Variants in GLDC observed in about 807,000 individuals in gnomAD.
GLDC encodes the protein glycine decarboxylase.
GLDC carries 104 observed loss-of-function variants against 121.3 expected under a neutral mutation model. The observed-to-expected ratio is 0.86, with a 90% confidence interval of 0.73 to 1.01. The LOEUF (loss-of-function observed/expected upper bound fraction) is 1.01. Among genes scored for constraint, GLDC ranks in the 50% least tolerant of loss-of-function variants. The probability of loss-of-function intolerance (pLI) is 0.00; values close to 1 mark genes in which losing one functional copy is unlikely to be tolerated. For missense variants in GLDC, 1,429 were observed against 1,306.6 expected (o/e 1.09, Z -1.44); for synonymous variants, 546 against 480.6 (o/e 1.14, Z -1.78).
Position 6,540,138 on chromosome 9 carries a change from C to T in GLDC, c.2578G>A (p.Gly860Ser), listed in dbSNP as rs753759723. The T allele has an allele frequency of 4.9e-5, 78 of 1,607,022 alleles. No homozygotes were observed. The highest frequency in any genetic ancestry group is 6.0e-5 in the Non-Finnish European group (70 of 1,173,708). The change falls in exon 22 of 25, where the codon GGT becomes AGT. Residue 860 changes from glycine (G) to serine (S), a missense_variant. Physicochemically the swap from Gly to Ser is moderately conservative, Grantham distance 56. Coordinates refer to ENST00000321612, the MANE Select transcript of GLDC (RefSeq NM_000170.3). ...ILFRGARGYV[G>S]HEFILDTRPF... is the part of the protein sequence containing the mutation. ...CTCGTGTCCAAAATAAATTCATGAC[C>T]CACATAACCTGTTCAGGAAAGTTGT...
chr9:6,543,953 G>A (rs1264477478), intron 21 of GLDC, among the ~76,000 whole-genome samples: 3 of 152,022 alleles, frequency 2.0e-5, no homozygotes, highest in Admixed American at 6.6e-5. Context: ...GGGAACCACC[G>A]CCCCCATATG....
chr9:6,588,742 GAT>G (rs1563849515), intron 12 of GLDC, 40 bp from the exon 13 acceptor site: 2 of 1,177,772 alleles, frequency 1.7e-6, no homozygotes, highest in Admixed American at 1.7e-5. Flanking sequence ...CCCAAAAGTA[GAT>G]ATGAGTCCAT....
At chr9:6,632,705 G>C (rs1263162154) in intron 2 of GLDC, among the ~76,000 whole-genome samples, 2 of 152,194 alleles carry the variant, frequency 1.3e-5, no homozygotes, top group East Asian at 3.8e-4. Context: ...CTCACTCCCA[G>C]CCTCCTGAGG....
chr9:6,565,673 T>C (rs1021551275), intron 15 of GLDC: 6 of 610,796 alleles, frequency 9.8e-6, no homozygotes, highest in Non-Finnish European at 1.7e-5. Flanking sequence ...AAGATGGAGC[T>C]TTCTATATCC....
At chr9:6,542,705 G>A (rs921443937) in intron 21 of GLDC, among the ~76,000 whole-genome samples, 2 of 151,888 alleles carry the variant, frequency 1.3e-5, no homozygotes, top group African/African-American at 4.8e-5. Context: ...GGGCAGCATA[G>A]TGAGAGCTTG....
chr9:6,612,680 G>T (rs1818883728), intron 3 of GLDC, among the ~76,000 whole-genome samples: 1 of 152,046 alleles, frequency 6.6e-6, no homozygotes, highest in South Asian at 2.1e-4. Flanking sequence ...TGGCCAATAT[G>T]GTGAAACCCC....
At chr9:6,564,771 C>T (rs889760596) in intron 16 of GLDC, among the ~76,000 whole-genome samples, 1 of 152,240 alleles carries the variant, frequency 6.6e-6, no homozygotes, top group African/African-American at 2.4e-5. Context: ...CTGGTCCCCA[C>T]AGTGGTCCCC....
chr9:6,628,046 C>A (rs973794200), intron 2 of GLDC, among the ~76,000 whole-genome samples: 2 of 152,150 alleles, frequency 1.3e-5, no homozygotes, highest in East Asian at 1.9e-4. Context: ...CCTGCTGAAC[C>A]AACCTGAAAC....
chr9:6,533,316 AAAG>A (rs1195134513), intron 24 of GLDC, among the ~76,000 whole-genome samples, 156 bp from the exon 25 acceptor site: 4 of 152,172 alleles, frequency 2.6e-5, no homozygotes, highest in African/African-American at 9.7e-5. Flanking sequence ...CATTTAAAAA[AAAG>A]AGGCATTTCC....
chr9:6,612,976 A>G (rs1042965481), intron 3 of GLDC, among the ~76,000 whole-genome samples: 2 of 152,230 alleles, frequency 1.3e-5, no homozygotes, highest in Non-Finnish European at 2.9e-5. Context: ...TCAAAAAATA[A>G]ATACATAAAA....
chr9:6,567,627 A>G (rs114902274), intron 15 of GLDC, among the ~76,000 whole-genome samples: 267 of 152,332 alleles, frequency 1.8e-3, no homozygotes, highest in African/African-American at 6.1e-3. Flanking sequence ...CTTGTTCACA[A>G]TTGTATTCTC....
intron 15 of GLDC, among the ~76,000 whole-genome samples, chr9:6,566,050 T>C (rs1817849100): frequency 6.6e-6 from 1 of 152,186 alleles, no homozygotes; most frequent in African/African-American, 2.4e-5. Flanking sequence ...AAGATCAGCC[T>C]GGGCAGCATG....
intron 2 of GLDC, among the ~76,000 whole-genome samples, chr9:6,631,909 T>C (rs1006791111): frequency 1.3e-5 from 2 of 152,078 alleles, no homozygotes; most frequent in East Asian, 3.9e-4. Flanking sequence ...CTCTACAAAA[T>C]GAAATAAATT....
chr9:6,554,739 G>A lies in GLDC; in HGVS notation c.2245C>T (p.His749Tyr). ...CAGAAGGTCTTGTGAAGATTTAGGT[G>A]CGAGACATCAGACCCGAAGTCTCCA... ...RPGDFGSDVS[H>Y]LNLHKTFCIP... The change falls in exon 19 of 25, where the codon CAC (histidine) becomes TAC (tyrosine). Residue 749 changes from histidine to tyrosine, a missense_variant. Transcript: ENST00000321612. 2 of 1,613,524 alleles carry A rather than the reference G, an allele frequency of 1.2e-6. No homozygotes were observed. The highest frequency in any genetic ancestry group is 1.7e-6 in the Non-Finnish European group (2 of 1,179,940).
At chr9:6,576,418 G>C (rs1318809678) in intron 15 of GLDC, among the ~76,000 whole-genome samples, 1 of 151,990 alleles carries the variant, frequency 6.6e-6, no homozygotes, top group African/African-American at 2.4e-5. Context: ...ACCTGCCAAA[G>C]CTCCCACCTC....
At chr9:6,604,026 C>T (rs1818679989) in intron 7 of GLDC, among the ~76,000 whole-genome samples, 1 of 151,408 alleles carries the variant, frequency 6.6e-6, no homozygotes, top group Non-Finnish European at 1.5e-5. Context: ...CCGCACCCAG[C>T]CCTTTTTTTC....
intron 21 of GLDC, among the ~76,000 whole-genome samples, chr9:6,546,674 G>A (rs887995886): frequency 1.3e-5 from 2 of 151,784 alleles, no homozygotes; most frequent in African/African-American, 4.8e-5. Context: ...CTAAAATAAT[G>A]ATGGGGGCCA....
At chr9:6,639,064 T>A in intron 2 of GLDC, 1 of 651,144 alleles carries the variant, frequency 1.5e-6, no homozygotes, top group East Asian at 2.6e-5. Context: ...TCAGTAAACA[T>A]TTAACAATTA....
At chr9:6,587,976 C>G (rs564410521) in intron 14 of GLDC, among the ~76,000 whole-genome samples, 6 of 152,168 alleles carry the variant, frequency 3.9e-5, no homozygotes, top group African/African-American at 1.4e-4. Context: ...GCGAGTTGCA[C>G]AAATCTTCTG....
Sources: gnomAD v4.1 joint callset for allele counts (sites outside exome capture counted in the v4.1 genomes callset) on GRCh38, gnomAD v4.1.1 for gene constraint, MANE v1.5 for transcripts, NCBI Gene and HGNC (gene_info 2026-07-23, HGNC 2026-07-21) for gene names.